PCDHGA1: variants seen among roughly 807,000 people sequenced by gnomAD.
PCDHGA1 encodes the protein protocadherin gamma subfamily A, 1.
PCDHGA1 carries 32 observed loss-of-function variants against 58.0 expected under a neutral mutation model. That is an observed-to-expected ratio of 0.55 (90% CI 0.42 to 0.74). The LOEUF (loss-of-function observed/expected upper bound fraction) is 0.74, where lower values mean the gene tolerates loss of function less well. PCDHGA1 is among the 30% of genes least tolerant of loss of function. The pLI is 0.00. For synonymous variants in PCDHGA1, 498 were observed against 501.1 expected, an observed-to-expected ratio of 0.99 and a Z score of 0.08; for missense variants, 1,205 against 1,182.3, an observed-to-expected ratio of 1.02 and a Z score of -0.28.
chr5:141,360,944 A>T, intron 1 of PCDHGA1: 1 of 1,613,990 alleles, frequency 6.2e-7, no homozygotes, highest in East Asian at 2.2e-5. Flanking sequence ...ACCGACCGGG[A>T]TGAAGGCATA....
chr5:141,360,097 T>C, intron 1 of PCDHGA1: 1 of 1,527,810 alleles, frequency 6.5e-7, no homozygotes, highest in Non-Finnish European at 8.8e-7. Flanking sequence ...CCGGAAGGCT[T>C]ATTCCTCCTA....
intron 1 of PCDHGA1, chr5:141,423,914 A>G (rs2096790099): frequency 3.0e-5 from 38 of 1,268,116 alleles, no homozygotes; most frequent in Non-Finnish European, 3.0e-6. Flanking sequence ...GGGGCCATTC[A>G]ACTATGCTGG....
At chr5:141,409,011 A>T in intron 1 of PCDHGA1, 1 of 1,613,974 alleles carries the variant, frequency 6.2e-7, no homozygotes, top group Non-Finnish European at 8.5e-7. Context: ...ACTGACCAGG[A>T]TGAGGGGGTC....
At chr5:141,454,796 ATTTTTTT>A (rs61612330) in intron 1 of PCDHGA1, among the ~76,000 whole-genome samples, 2,943 of 77,244 alleles carry the variant, frequency 0.038, 52 homozygotes, top group African/African-American at 0.09. Context: ...CATGGTTCTA[ATTTTTTT>A]TTTTTTTTTT....
chr5:141,345,565 C>G lies in PCDHGA1; in HGVS notation c.2421+12460C>G, dbSNP rs964266181. ...TCCTTCGTCTCTATCAACTCCAACA[C>G]TGGCGTCCTATACGCGCTGAGATCC... On this transcript the variant is annotated intron_variant, in intron 1 of 3. Coordinates refer to ENST00000517417, the MANE Select transcript of PCDHGA1 (RefSeq NM_018912.3). 3.7e-6 allele frequency: 6 copies of G among 1,614,130 alleles called. No individual in the cohort carries two copies. In the African/African-American group the frequency reaches 4.0e-5, roughly 11 times the overall value.
rs143138320 is a variant in PCDHGA1 at position 141,489,458 on chromosome 5, G to C, written c.2422-5349G>C. The stretch of plus-strand genomic sequence containing the variant: ...CAATTGGGCTCTGAGGAGAATGGGC[G>C]CTATTTTTCCCTGAGCTTGATGAGT... On this transcript the variant is annotated intron_variant, in intron 1 of 3. Coordinates refer to ENST00000517417, the MANE Select transcript of PCDHGA1 (RefSeq NM_018912.3). The surrounding 1 kb of genome is among the most constrained non-coding windows in gnomAD (Gnocchi z 4.5). 3.7e-6 allele frequency: 6 copies of C among 1,613,924 alleles called. No individual in the cohort carries two copies. The highest frequency in any genetic ancestry group is 5.1e-6 in the Non-Finnish European group (6 of 1,180,000).
At chr5:141,367,154 T>A (rs1764978094) in intron 1 of PCDHGA1, 1 of 162,130 alleles carries the variant, frequency 6.2e-6, no homozygotes, top group African/African-American at 2.4e-5. Flanking sequence ...ATAGGACTGA[T>A]ATTTTAGTCT....
intron 1 of PCDHGA1, among the ~76,000 whole-genome samples, chr5:141,455,570 A>T (rs181469693): frequency 2.6e-5 from 4 of 152,222 alleles, no homozygotes; most frequent in Non-Finnish European, 5.9e-5. Context: ...TGGCCCTCCC[A>T]CCCCAGCCTT....
intron 1 of PCDHGA1, chr5:141,371,031 ACAG>A (rs763935015): frequency 6.2e-7 from 1 of 1,613,990 alleles, no homozygotes; most frequent in East Asian, 2.2e-5. Context: ...CCTGGTCCTC[ACAG>A]CTGTGGATGG....
intron 1 of PCDHGA1, chr5:141,378,833 C>T (rs1224132304): frequency 6.6e-6 from 1 of 152,128 alleles, no homozygotes; most frequent in East Asian, 1.9e-4. Context: ...GAACAGAAAA[C>T]AGCAGAGTTT....
chr5:141,407,047 T>C (rs75652968), intron 1 of PCDHGA1, among the ~76,000 whole-genome samples: 6,428 of 152,316 alleles, frequency 0.042, 220 homozygotes, highest in African/African-American at 0.092. Flanking sequence ...GATCCATAGA[T>C]ACACTGATGA....
intron 1 of PCDHGA1, chr5:141,428,502 G>T: frequency 7.1e-6 from 2 of 282,686 alleles, no homozygotes; most frequent in Non-Finnish European, 6.9e-6. Flanking sequence ...ATGTTCCCTC[G>T]GATTCTAGAA....
rs756509845 is a variant in PCDHGA1, at chr5:141,331,159, G to A, written c.475G>A (p.Asp159Asn). 9 of 1,614,028 alleles carry A rather than the reference G, an allele frequency of 5.6e-6. No homozygotes were observed. The South Asian group carries it at 9.9e-5, about 18-fold the overall frequency. Reference protein sequence around the residue: ...GTRVSLPFGQDLDVGMNSLQS... With the variant: ...GTRVSLPFGQNLDVGMNSLQS... ...CAGAGTCTCATTGCCTTTTGGGCAA[G>A]ACCTTGATGTGGGTATGAACTCACT... Residue 159 changes from aspartate (D) to asparagine (N), a missense_variant, in exon 1 of 4, where the codon GAC (aspartate) becomes AAC (asparagine). Transcript: ENST00000517417.
In PCDHGA1 at chr5:141,486,444, T is replaced by C. The variant is rs769032995; in HGVS notation, c.2422-8363T>C. 2 of 1,614,086 alleles carry C rather than the reference T, an allele frequency of 1.2e-6. No individual in the cohort carries two copies. On this transcript the variant is annotated intron_variant, in intron 1 of 3. Transcript: ENST00000517417. This position sits in a 1 kb window ranked among gnomAD's most constrained non-coding sequence, Gnocchi z 5.0. ...GAGGCCAAATCTAGCTATGACATCA[T>C]GGTCACTGCTTCTGATGCTGGGAAC...
intron 1 of PCDHGA1, chr5:141,417,759 C>T: frequency 7.0e-7 from 1 of 1,437,100 alleles, no homozygotes; most frequent in South Asian, 1.5e-5. Flanking sequence ...AGCTCCGAGA[C>T]CCGGGACTCC....
Position 141,490,198 on chromosome 5 carries a change from G to A in PCDHGA1, c.2422-4609G>A. ...GGAGTCACGTTTCTATGAAATTCAT[G>A]CAAGAGCCCGTGACCAGGGACAGCC... On this transcript the variant is annotated intron_variant, in intron 1 of 3. Coordinates refer to ENST00000517417, the MANE Select transcript of PCDHGA1 (RefSeq NM_018912.3). The surrounding 1 kb of genome is among the most constrained non-coding windows in gnomAD (Gnocchi z 5.4). The A allele has an allele frequency of 6.2e-7, 1 of 1,614,208 alleles. No homozygotes were observed. Among genetic ancestry groups the A allele is most frequent in the Non-Finnish European group, 8.5e-7 (1 of 1,180,038 alleles).
intron 1 of PCDHGA1, chr5:141,403,041 A>T: frequency 6.2e-7 from 1 of 1,614,084 alleles, no homozygotes; most frequent in Non-Finnish European, 8.5e-7. Flanking sequence ...AGGGCCAGTC[A>T]GATTCGCTAC....
intron 1 of PCDHGA1, chr5:141,404,042 A>G: frequency 3.1e-6 from 5 of 1,613,892 alleles, no homozygotes; most frequent in Non-Finnish European, 4.2e-6. Context: ...ACCTCAGGGA[A>G]CAGTAATTCT....
At chr5:141,415,315 G>A (rs201784236) in intron 1 of PCDHGA1, 2 of 1,614,220 alleles carry the variant, frequency 1.2e-6, no homozygotes, top group Middle Eastern at 1.6e-4. Context: ...CTTCGTCATC[G>A]TGCTGCTGGC....
Sources: gnomAD v4.1 joint callset for allele counts (sites outside exome capture counted in the v4.1 genomes callset) on GRCh38, gnomAD v4.1.1 for gene constraint, Gnocchi (gnomAD v3.1) non-coding constraint, MANE v1.5 for transcripts, NCBI Gene and HGNC (gene_info 2026-07-23, HGNC 2026-07-21) for gene names.